UTP20: variants seen among roughly 807,000 people sequenced by gnomAD.
The protein encoded by UTP20 is UTP20 small subunit processome component.
UTP20 carries 164 observed loss-of-function variants against 329.5 expected under a neutral mutation model. That is an observed-to-expected ratio of 0.50 (90% CI 0.44 to 0.57). The LOEUF (loss-of-function observed/expected upper bound fraction) is 0.57, where lower values mean the gene tolerates loss of function less well. Ranked by LOEUF, UTP20 falls within the 20% of genes least tolerant of loss-of-function variation. The probability of loss-of-function intolerance (pLI) is 0.00; values close to 1 mark genes in which losing one functional copy is unlikely to be tolerated. For missense variants in UTP20, 3,055 were observed against 3,284.2 expected (o/e 0.93, Z 1.71); for synonymous variants, 1,151 against 1,159.3 (o/e 0.99, Z 0.14).
In UTP20 at chr12:101,375,705, T is replaced by G; in HGVS notation, c.7345T>G (p.Cys2449Gly). The change falls in exon 56 of 62, where the codon TGT becomes GGT. Residue 2449 changes from cysteine (C) to glycine (G), a missense_variant. By Grantham distance (159) the Cys-to-Gly change is radical. Around this residue, in one of 3 missense-constraint regions of UTP20, gnomAD observed 273 missense variants for 363.1 expected, o/e 0.75. Coordinates refer to ENST00000261637, the MANE Select transcript of UTP20 (RefSeq NM_014503.3). ...LTLITKLIKECNIIQFTKPAE... is the reference protein window; with the variant it reads ...LTLITKLIKEGNIIQFTKPAE... ...ACTGATAACTAAACTTATCAAGGAA[T>G]GTAATATTATTCAGTTTACCAAACC... is the stretch of plus-strand genomic sequence containing the variant. The G allele has an allele frequency of 6.2e-7, 1 of 1,603,324 alleles. No homozygotes were observed. Among genetic ancestry groups the G allele is most frequent in the South Asian group, 1.1e-5 (1 of 90,022 alleles).
At chr12:101,380,678 CA>C (rs1273046658) in intron 57 of UTP20, among the ~76,000 whole-genome samples, 6 of 151,926 alleles carry the variant, frequency 3.9e-5, no homozygotes, top group African/African-American at 1.5e-4. Flanking sequence ...GCCTGGCCAA[CA>C]TGGCGAAACC....
At chr12:101,305,139 G>GGAGAAAACCAGGGTTTTCTC (rs1872616233) in intron 15 of UTP20, among the ~76,000 whole-genome samples, 6 of 151,548 alleles carry the variant, frequency 4.0e-5, no homozygotes, top group Admixed American at 6.6e-5. Context: ...CTGGTTTTCT[G>GGAGAAAACCAGGGTTTTCTC]GAGAAAACCA....
intron 51 of UTP20, among the ~76,000 whole-genome samples, chr12:101,372,681 A>G (rs1870333224): frequency 6.6e-6 from 1 of 152,236 alleles, no homozygotes. Context: ...ATAGGGCAGG[A>G]CCAGATGAAT....
intron 25 of UTP20, among the ~76,000 whole-genome samples, chr12:101,322,675 A>G (rs1282464145): frequency 2.0e-5 from 3 of 152,218 alleles, no homozygotes; most frequent in South Asian, 2.1e-4. Flanking sequence ...TTTCCTTAAT[A>G]GGAGCTGGTT....
chr12:101,317,706 G>A, intron 22 of UTP20, 43 bp downstream of exon 22: 1 of 1,549,584 alleles, frequency 6.5e-7, no homozygotes, highest in Non-Finnish European at 8.7e-7. Flanking sequence ...CACAGTTCTG[G>A]GAGGAACAGG....
Position 101,306,682 on chromosome 12 carries a change from C to G in UTP20, c.1933-17C>G. 3 of 1,592,058 alleles carry G rather than the reference C, an allele frequency of 1.9e-6. No homozygotes were observed. Among genetic ancestry groups the G allele is most frequent in the South Asian group, 1.2e-5 (1 of 85,878 alleles). The stretch of plus-strand genomic sequence containing the variant: ...GTTAAACTTTGGAATTTGAAAGATG[C>G]CTTTTACTTTCTCCAGATTCGGCTT... On this transcript the variant is annotated splice_polypyrimidine_tract_variant and intron_variant, in intron 16 of 61. Coordinates refer to ENST00000261637, the MANE Select transcript of UTP20 (RefSeq NM_014503.3).
At chr12:101,283,098 A>T (rs1266586663) in intron 2 of UTP20, among the ~76,000 whole-genome samples, 1 of 152,232 alleles carries the variant, frequency 6.6e-6, no homozygotes, top group African/African-American at 2.4e-5. Context: ...GTATATATGG[A>T]TCTGGAGTAT....
chr12:101,306,940 G>A (rs902082181), intron 17 of UTP20, among the ~76,000 whole-genome samples, 179 bp downstream of exon 17: 3 of 152,054 alleles, frequency 2.0e-5, no homozygotes, highest in Non-Finnish European at 2.9e-5. Context: ...TTGGGAGGCC[G>A]AGGCGGGCGG....
At chr12:101,352,896 G>T (rs935450998) in intron 39 of UTP20, 151 bp from the exon 40 acceptor site, 1 of 348,494 alleles carries the variant, frequency 2.9e-6, no homozygotes, top group East Asian at 4.8e-5. Context: ...CTTTTATCTT[G>T]TATTAATAAG....
At chr12:101,384,616 T>G (rs574398701) in intron 60 of UTP20, among the ~76,000 whole-genome samples, 1 of 152,350 alleles carries the variant, frequency 6.6e-6, no homozygotes, top group Admixed American at 6.5e-5. Context: ...CATTTTAACA[T>G]TTCTTCTTTT....
rs755156739 is a variant in UTP20 at position 101,333,350 on chromosome 12, T to C, written c.3467T>C (p.Ile1156Thr). 34 of 1,614,008 alleles carry C rather than the reference T, an allele frequency of 2.1e-5. No homozygotes were observed. The highest frequency in any genetic ancestry group is 2.8e-5 in the Non-Finnish European group (33 of 1,179,992). ...TTGAAAAATTTAAGACGTCTTGGAA[T>C]CAAAATGGTAACTGATATCTTTTTG... The part of the protein sequence containing the change: ...NPLKNLRRLG[I>T]KMVTDIFLDW... The change falls in exon 28 of 62, where the codon ATC (isoleucine) becomes ACC (threonine). Residue 1156 changes from isoleucine (I) to threonine (T), a missense_variant. Physicochemically the swap from Ile to Thr is moderately conservative, Grantham distance 89. Transcript: ENST00000261637.
intron 21 of UTP20, 46 bp from the exon 22 acceptor site, chr12:101,317,432 G>A (rs764607463): frequency 1.3e-6 from 2 of 1,589,084 alleles, no homozygotes; most frequent in Non-Finnish European, 1.7e-6. Flanking sequence ...CTTTCAGATT[G>A]GTGTGCGTTC....
Position 101,290,151 on chromosome 12 carries a change from C to T in UTP20, c.612C>T (p.Asn204=), listed in dbSNP as rs703715. Residue 204 remains asparagine, a synonymous_variant, in exon 7 of 62, where the codon AAC becomes AAT. Coordinates refer to ENST00000261637, the MANE Select transcript of UTP20 (RefSeq NM_014503.3). The part of the protein sequence containing the change: ...TFLMRKVSDK[N]ALFNLMFLDL... ...TTATATTTTAGGTCTCTGATAAAAACGCACTTTTCAATTTAATGTTTCTTG... is the reference window on the plus strand; with the variant it reads ...TTATATTTTAGGTCTCTGATAAAAATGCACTTTTCAATTTAATGTTTCTTG... 954,281 of 1,564,450 alleles carry T rather than the reference C, an allele frequency of 0.61. 295,726 individuals carry two copies. Among genetic ancestry groups the T allele is most frequent in the African/African-American group, 0.82 (60,808 of 73,926 alleles).
At chr12:101,336,244 G>A (rs1410949598) in intron 29 of UTP20, among the ~76,000 whole-genome samples, 2 of 152,200 alleles carry the variant, frequency 1.3e-5, no homozygotes, top group Non-Finnish European at 2.9e-5. Flanking sequence ...GTGTGTGGAA[G>A]AACGAATGAA....
At chr12:101,285,968 T>C in intron 4 of UTP20, 87 bp downstream of exon 4, 2 of 1,510,120 alleles carry the variant, frequency 1.3e-6, no homozygotes, top group Non-Finnish European at 1.8e-6. Context: ...ATACCGCAGA[T>C]CAGGTGCTCA....
At position 101,379,552 on chromosome 12, in the gene UTP20, C is replaced by T; in HGVS notation, c.7578C>T (p.Asp2526=). The T allele has an allele frequency of 6.2e-7, 1 of 1,609,766 alleles. No homozygotes were observed. Among genetic ancestry groups the T allele is most frequent in the East Asian group, 2.2e-5 (1 of 44,808 alleles). The change falls in exon 57 of 62, where the codon GAC becomes GAT. Residue 2526 remains aspartate, a synonymous_variant. Coordinates refer to ENST00000261637, the MANE Select transcript of UTP20 (RefSeq NM_014503.3). Reference sequence around the variant, plus strand: ...TCAAGTTCCTAGCCAGTGACCTTGACCAAAAGGTAAGCTTTCTCTCAAACC... The same window carrying T: ...TCAAGTTCCTAGCCAGTGACCTTGATCAAAAGGTAAGCTTTCTCTCAAACC... ...VAIKFLASDL[D]QKMKSISLAS...
chr12:101,303,329 G>T (rs1483115007), intron 15 of UTP20, among the ~76,000 whole-genome samples: 1 of 152,192 alleles, frequency 6.6e-6, no homozygotes, highest in Non-Finnish European at 1.5e-5. Context: ...TATATAGCGT[G>T]TTAGGAGGTG....
intron 25 of UTP20, among the ~76,000 whole-genome samples, chr12:101,325,031 GT>G (rs763322592): frequency 6.6e-6 from 1 of 151,884 alleles, no homozygotes; most frequent in Non-Finnish European, 1.5e-5. Context: ...TTGTCATTGG[GT>G]TTTCTTGTAT....
intron 30 of UTP20, 40 bp downstream of exon 30, chr12:101,338,317 C>T (rs771355015): frequency 5.0e-6 from 8 of 1,591,870 alleles, no homozygotes; most frequent in Non-Finnish European, 6.9e-6. Flanking sequence ...TAGACTTCTG[C>T]TGTAGCAATT....
Sources: allele counts gnomAD v4.1 joint callset (sites outside exome capture counted in the v4.1 genomes callset), GRCh38; gene constraint gnomAD v4.1.1; regional missense constraint gnomAD v4.1.1; transcripts MANE v1.5; gene names NCBI Gene and HGNC (gene_info 2026-07-23, HGNC 2026-07-21).